The following MGAM2 variants were observed in gnomAD, a reference collection of about 807,000 sequenced individuals.
MGAM2 encodes the protein maltase-glucoamylase 2 (putative), also known as probable maltase-glucoamylase 2.
Under a neutral mutation model 96.1 loss-of-function variants are expected in MGAM2, and 98 were observed. That is an observed-to-expected ratio of 1.02 (90% CI 0.87 to 1.21). MGAM2 has a LOEUF of 1.21. Ranked by LOEUF, MGAM2 falls within the 50% of genes most tolerant of loss-of-function variation. MGAM2 has a pLI of 0.00. For synonymous variants in MGAM2, 749 were observed against 414.8 expected (o/e 1.81, Z -9.79); for missense variants, 2,055 against 1,182.4 (o/e 1.74, Z -10.82).
At chr7:142,194,327 C>T (rs898774113) in intron 37 of MGAM2, among the ~76,000 whole-genome samples, 8 of 152,210 alleles carry the variant, frequency 5.3e-5, no homozygotes, top group East Asian at 3.9e-4. Flanking sequence ...CCACTGCGCC[C>T]GGCCCCTCCA....
intron 32 of MGAM2, among the ~76,000 whole-genome samples, chr7:142,182,483 A>G (rs1796573681): frequency 6.6e-6 from 1 of 152,182 alleles, no homozygotes; most frequent in South Asian, 2.1e-4. Flanking sequence ...AGCAAGATGG[A>G]GAGCCTTTGC....
Position 142,144,960 on chromosome 7 carries a change from GT to G in MGAM2, c.1516+18del. 1.4e-6 allele frequency: 1 copy of G among 702,424 alleles called. No individual in the cohort carries two copies. The highest frequency in any genetic ancestry group is 1.5e-5 in the South Asian group (1 of 67,528). The allele number at this position is 702,424 out of a possible 1,614,324, so 43.5% of individuals were successfully genotyped here. On this transcript the variant is annotated intron_variant, in intron 14 of 47. Transcript: ENST00000477922. ...TTTTCTTCCTAGTAAGTTTTCACCTGTTTGCTATGACGTAGGAATAAGCCAT... is the reference window on the plus strand; with the variant it reads ...TTTTCTTCCTAGTAAGTTTTCACCTGTTGCTATGACGTAGGAATAAGCCAT...
chr7:142,221,038 A>G lies in MGAM2; in HGVS notation c.6527A>G (p.Asn2176Ser), dbSNP rs1342966873. The change falls in exon 48 of 48, where the codon AAT (asparagine) becomes AGT (serine). Residue 2176 changes from asparagine to serine, a missense_variant. Transcript: ENST00000477922. The part of the protein sequence containing the change: ...HTSTDDTVPN[N>S]TVPVTAIPSL... ...AGTACTGATGATACTGTTCCTAATA[A>G]TACTGTTCCAGTTACAGCTATTCCT... 4 of 702,506 alleles carry G rather than the reference A, an allele frequency of 5.7e-6. No homozygotes were observed. The highest frequency in any genetic ancestry group is 1.0e-5 in the Non-Finnish European group (4 of 384,760). 43.5% of individuals were successfully genotyped at this position (702,506 alleles called of 1,614,324 possible).
intron 23 of MGAM2, among the ~76,000 whole-genome samples, chr7:142,164,485 C>A (rs1170828848): frequency 6.6e-6 from 1 of 152,040 alleles, no homozygotes; most frequent in Non-Finnish European, 1.5e-5. Flanking sequence ...AAGAAAATTA[C>A]TTGGGCCCTT....
intron 35 of MGAM2, 115 bp downstream of exon 35, chr7:142,186,238 T>C: frequency 1.6e-6 from 1 of 618,692 alleles, no homozygotes; most frequent in Non-Finnish European, 2.9e-6. Context: ...AAAGGGAGAA[T>C]CTAGGTGCTG....
intron 33 of MGAM2, among the ~76,000 whole-genome samples, chr7:142,184,567 C>A (rs1395551297): frequency 6.6e-6 from 1 of 152,164 alleles, no homozygotes; most frequent in Non-Finnish European, 1.5e-5. Flanking sequence ...ATCAATTAAT[C>A]AGTGTGTATA....
chr7:142,220,398 C>T lies in MGAM2; in HGVS notation c.5887C>T (p.Pro1963Ser). 1 of 702,600 alleles carries T rather than the reference C, an allele frequency of 1.4e-6. No homozygotes were observed. The allele number at this position is 702,600 out of a possible 1,614,324, so 43.5% of individuals were successfully genotyped here. Residue 1963 changes from proline (P) to serine (S), a missense_variant, in exon 48 of 48, where the codon CCT becomes TCT. Coordinates refer to ENST00000477922, the MANE Select transcript of MGAM2 (RefSeq NM_001293626.2). ...TNATVPDTTA[P>S]FPTNTTTAST... ...TGCTACTGTTCCCGATACAACTGCC[C>T]CTTTCCCAACAAATACTACTACTGC...
rs554956218 is a variant in MGAM2, at chr7:142,119,664, G to A, written c.107-638G>A. Among the ~76,000 whole-genome samples, 12 of 152,258 alleles carry A rather than the reference G, an allele frequency of 7.9e-5. 2 individuals carry two copies. The highest frequency in any genetic ancestry group is 2.9e-4 in the African/African-American group (12 of 41,552). On this transcript the variant is annotated intron_variant, in intron 2 of 47. Transcript: ENST00000477922. ...GAAACAACCCAAATGTACATGAACC[G>A]ATGAATAGATAAACAAAATGTGGTA...
chr7:142,130,886 T>A, intron 3 of MGAM2, 62 bp from the exon 4 acceptor site: 2 of 673,622 alleles, frequency 3.0e-6, no homozygotes, highest in Non-Finnish European at 5.5e-6. Context: ...TATAAATAAA[T>A]AGACAGATAA....
chr7:142,155,394 T>TC (rs1394330311), intron 17 of MGAM2, among the ~76,000 whole-genome samples: 20 of 152,008 alleles, frequency 1.3e-4, no homozygotes, highest in Non-Finnish European at 7.4e-5. Context: ...GGGTTCAAAG[T>TC]CCCCCCTAAG....
rs71522175 is a variant in MGAM2, at chr7:142,156,155, C to CAA, written c.1923+1320_1923+1321dup. Among the ~76,000 whole-genome samples the CAA allele has an allele frequency of 5.0e-3, 652 of 129,590 alleles. 8 individuals carry two copies. Among genetic ancestry groups the CAA allele is most frequent in the African/African-American group, 0.017 (610 of 35,590 alleles). 85.0% of individuals were successfully genotyped at this position (129,590 alleles called of 152,430 possible). A position where few individuals can be genotyped will look rare whatever the true frequency, so the allele number is the denominator to read the frequency against. Reference sequence around the variant, plus strand: ...AGCAAAATTCCGTCTCAAAACAAAACAAAAAAAAAAACAAAGTACAAAGAA... The same window carrying CAA: ...AGCAAAATTCCGTCTCAAAACAAAACAAAAAAAAAAAAACAAAGTACAAAGAA... On this transcript the variant is annotated intron_variant, in intron 17 of 47. Transcript: ENST00000477922.
At chr7:142,219,794 G>T in intron 47 of MGAM2, 76 bp from the exon 48 acceptor site, 8 of 610,450 alleles carry the variant, frequency 1.3e-5, no homozygotes, top group Admixed American at 1.1e-4. Flanking sequence ...TTGTTAAATT[G>T]TAATTTAAGA....
intron 31 of MGAM2, among the ~76,000 whole-genome samples, chr7:142,174,148 C>T (rs1045626581): frequency 3.3e-5 from 5 of 152,036 alleles, no homozygotes; most frequent in Non-Finnish European, 5.9e-5. Context: ...CTTAGGATTG[C>T]GTTGGCTATT....
chr7:142,159,398 C>A, intron 20 of MGAM2, 55 bp downstream of exon 20: 1 of 698,766 alleles, frequency 1.4e-6, no homozygotes, highest in Non-Finnish European at 2.6e-6. Flanking sequence ...GAGGGCAATT[C>A]TAAAGCAGCA....
At chr7:142,205,241 A>G (rs1797361037) in intron 45 of MGAM2, among the ~76,000 whole-genome samples, 1 of 152,086 alleles carries the variant, frequency 6.6e-6, no homozygotes, top group African/African-American at 2.4e-5. Flanking sequence ...CTTTTTGGCT[A>G]TTATAAATAA....
Position 142,130,935 on chromosome 7 carries a change from G to A in MGAM2, c.187-13G>A, listed in dbSNP as rs79629529. The A allele has an allele frequency of 4.0e-3, 2,835 of 702,460 alleles. 58 individuals carry two copies. The highest frequency in any genetic ancestry group is 0.029 in the South Asian group (1,929 of 67,576). The allele number at this position is 702,460 out of a possible 1,614,324, so 43.5% of individuals were successfully genotyped here. A position where few individuals can be genotyped will look rare whatever the true frequency, so the allele number is the denominator to read the frequency against. ...TCAGTTTATATACTGCTAACTCTGT[G>A]TCATTGTTACAGGATATCTGCAGAT... is the stretch of plus-strand genomic sequence containing the variant. On this transcript the variant is annotated splice_polypyrimidine_tract_variant and intron_variant, in intron 3 of 47. Coordinates refer to ENST00000477922, the MANE Select transcript of MGAM2 (RefSeq NM_001293626.2).
At position 142,154,582 on chromosome 7, in the gene MGAM2, G is replaced by T. The variant is rs139569664; in HGVS notation, c.1807-147G>T. ...GATTCTATCTTGTTTCTCTCCTTTGGCTGGGAGTGTGCCCTGTGACTCTGG... is the reference window on the plus strand; with the variant it reads ...GATTCTATCTTGTTTCTCTCCTTTGTCTGGGAGTGTGCCCTGTGACTCTGG... On this transcript the variant is annotated intron_variant, in intron 16 of 47. Coordinates refer to ENST00000477922, the MANE Select transcript of MGAM2 (RefSeq NM_001293626.2). 3.7e-3 allele frequency: 2,209 copies of T among 601,504 alleles called. 31 individuals are homozygous for T. The highest frequency in any genetic ancestry group is 0.036 in the East Asian group (1,289 of 36,232). 37.3% of individuals were successfully genotyped at this position (601,504 alleles called of 1,614,324 possible).
Position 142,189,410 on chromosome 7 carries a change from C to A in MGAM2, c.4251C>A (p.Cys1417Ter), listed in dbSNP as rs1294977156. The change falls in exon 37 of 48, where the codon TGC (cysteine) becomes TGA (stop). Residue 1417 changes from cysteine (C) to a stop codon, truncating the protein, a stop_gained. Transcript: ENST00000477922. LOFTEE classifies it high-confidence loss of function. ...AGGGCCTGAGCAGCAAGACTCTGTG[C>A]ATGGAGAGTCAGCAGATCCTGCCGG... Reference protein sequence around the residue: ...RDKGLSSKTLCMESQQILPDS... With the variant: ...RDKGLSSKTL 2 of 725,108 alleles carry A rather than the reference C, an allele frequency of 2.8e-6. No individual in the cohort carries two copies. Among genetic ancestry groups the A allele is most frequent in the Non-Finnish European group, 5.1e-6 (2 of 394,214 alleles). 44.9% of individuals were successfully genotyped at this position (725,108 alleles called of 1,614,324 possible).
intron 32 of MGAM2, among the ~76,000 whole-genome samples, chr7:142,182,219 C>T (rs1380068139): frequency 6.6e-6 from 1 of 152,186 alleles, no homozygotes; most frequent in Non-Finnish European, 1.5e-5. Flanking sequence ...ACTGGGCCTG[C>T]AGCTTTGTTT....
Sources: gnomAD v4.1 joint callset for allele counts (sites outside exome capture counted in the v4.1 genomes callset) on GRCh38, gnomAD v4.1.1 for gene constraint, MANE v1.5 for transcripts, NCBI Gene and HGNC (gene_info 2026-07-23, HGNC 2026-07-21) for gene names.